CMTM8: variants seen among roughly 807,000 people sequenced by gnomAD.
CMTM8 encodes CKLF like MARVEL transmembrane domain containing 8.
In CMTM8, 12 loss-of-function variants were observed where a neutral mutation model predicts 18.6. That is an observed-to-expected ratio of 0.65 (90% confidence interval 0.41 to 1.05). The LOEUF (loss-of-function observed/expected upper bound fraction) is 1.05, where lower values mean the gene tolerates loss of function less well. Among genes scored for constraint, CMTM8 ranks in the 50% least tolerant of loss-of-function variants. The pLI is 0.00. For synonymous variants in CMTM8, 87 were observed against 90.6 expected, an observed-to-expected ratio of 0.96 and a Z score of 0.23; for missense variants, 217 against 227.2, an observed-to-expected ratio of 0.95 and a Z score of 0.29.
chr3:32,284,028 G>A (rs1487287882), intron 1 of CMTM8, among the ~76,000 whole-genome samples: 1 of 152,200 alleles, frequency 6.6e-6, no homozygotes, highest in East Asian at 1.9e-4. Flanking sequence ...GAGGTGGGCG[G>A]ATCACCTGAG....
chr3:32,254,167 TACA>T (rs1702147571), intron 1 of CMTM8, among the ~76,000 whole-genome samples: 1 of 152,244 alleles, frequency 6.6e-6, no homozygotes, highest in Non-Finnish European at 1.5e-5. Context: ...ATGCTGGGAT[TACA>T]GGTGTGAGCC....
chr3:32,264,631 G>T (rs1702308744), intron 1 of CMTM8, among the ~76,000 whole-genome samples: 4 of 152,144 alleles, frequency 2.6e-5, no homozygotes, highest in Admixed American at 2.6e-4. Flanking sequence ...TGGGCTAAAT[G>T]CTCCAATTAA....
chr3:32,317,432 G>A (rs1223899630), intron 1 of CMTM8, among the ~76,000 whole-genome samples: 3 of 152,194 alleles, frequency 2.0e-5, no homozygotes, highest in Non-Finnish European at 4.4e-5. Context: ...AAGACTTACT[G>A]CTAAAGGGAA....
chr3:32,332,936 G>A (rs1259496273), intron 1 of CMTM8, among the ~76,000 whole-genome samples: 5 of 152,144 alleles, frequency 3.3e-5, no homozygotes, highest in Admixed American at 3.3e-4. Context: ...ATATGTGTTT[G>A]ATGTATATGC....
intron 1 of CMTM8, chr3:32,243,967 T>A (rs1701977888): frequency 6.2e-6 from 1 of 160,298 alleles, no homozygotes; most frequent in African/African-American, 2.4e-5. Context: ...ATGGTTTCTC[T>A]GCCAAGATAT....
At position 32,321,235 on chromosome 3, in the gene CMTM8, A is replaced by G. The variant is rs576964641; in HGVS notation, c.148-36138A>G. Among the ~76,000 whole-genome samples, 6 of 152,126 alleles carry G rather than the reference A, an allele frequency of 3.9e-5. No individual in the cohort carries two copies. The South Asian group carries it at 1.2e-3, about 32-fold the overall frequency. Reference sequence around the variant, plus strand: ...TGACGCTGGTTAAACAACACTGGGGACTAACTAGATGAGGCTCGGGTCACA... The same window carrying G: ...TGACGCTGGTTAAACAACACTGGGGGCTAACTAGATGAGGCTCGGGTCACA... On this transcript the variant is annotated intron_variant, in intron 1 of 3. Transcript: ENST00000307526.
chr3:32,326,266 T>G (rs2125580670), intron 1 of CMTM8, among the ~76,000 whole-genome samples: 1 of 152,164 alleles, frequency 6.6e-6, no homozygotes, highest in East Asian at 1.9e-4. Flanking sequence ...CCAGAATAGG[T>G]TTTCAAAAAT....
chr3:32,306,267 A>G (rs1179633240), intron 1 of CMTM8, among the ~76,000 whole-genome samples: 1 of 152,216 alleles, frequency 6.6e-6, no homozygotes, highest in African/African-American at 2.4e-5. Context: ...TGGCAAGGCC[A>G]GGAATCCAAG....
chr3:32,257,594 A>C (rs1476805438), intron 1 of CMTM8, among the ~76,000 whole-genome samples: 1 of 152,098 alleles, frequency 6.6e-6, no homozygotes, highest in Non-Finnish European at 1.5e-5. Flanking sequence ...TATGGTTTTA[A>C]TAGTTTTAAT....
intron 1 of CMTM8, among the ~76,000 whole-genome samples, chr3:32,262,049 C>A (rs760859775): frequency 1.3e-5 from 2 of 152,088 alleles, no homozygotes; most frequent in Non-Finnish European, 1.5e-5. Flanking sequence ...TGGAATCATA[C>A]CATGGAACTG....
At chr3:32,283,092 C>T (rs879578028) in intron 1 of CMTM8, among the ~76,000 whole-genome samples, 8 of 152,050 alleles carry the variant, frequency 5.3e-5, no homozygotes, top group Non-Finnish European at 1.0e-4. Context: ...ATCCCTAGTA[C>T]TTAAATTGCA....
chr3:32,312,465 T>C (rs1399192553), intron 1 of CMTM8, among the ~76,000 whole-genome samples: 2 of 140,638 alleles, frequency 1.4e-5, no homozygotes, highest in Non-Finnish European at 3.0e-5. Flanking sequence ...AGGATACAGA[T>C]GAACAGCCAG....
At chr3:32,347,629 A>G (rs1046466129) in intron 1 of CMTM8, among the ~76,000 whole-genome samples, 1 of 152,076 alleles carries the variant, frequency 6.6e-6, no homozygotes, top group Non-Finnish European at 1.5e-5. Flanking sequence ...AGTTTCCCAC[A>G]AGGCCAATCA....
intron 1 of CMTM8, chr3:32,258,944 G>A (rs748711458): frequency 1.5e-5 from 5 of 331,044 alleles, no homozygotes; most frequent in Non-Finnish European, 2.9e-5. Context: ...GACAGCGTGA[G>A]CTTCACCACT....
intron 2 of CMTM8, among the ~76,000 whole-genome samples, chr3:32,361,286 G>GTTTTTTTTTTGTTTT (rs58364646): frequency 1.3e-4 from 11 of 87,266 alleles, no homozygotes; most frequent in East Asian, 8.5e-4. Flanking sequence ...CAGCCTAAGA[G>GTTTTTTTTTTGTTTT]TTTTTTTTTC....
At chr3:32,347,276 T>C (rs1696615187) in intron 1 of CMTM8, among the ~76,000 whole-genome samples, 1 of 143,456 alleles carries the variant, frequency 7.0e-6, no homozygotes, top group South Asian at 2.3e-4. Context: ...TGTTTTTTGG[T>C]TTTTGGTTTT....
chr3:32,258,595 G>A (rs932666441), intron 1 of CMTM8, among the ~76,000 whole-genome samples: 1 of 151,872 alleles, frequency 6.6e-6, no homozygotes, highest in Non-Finnish European at 1.5e-5. Flanking sequence ...CTAAAGCCTC[G>A]ACCTCCCAGG....
intron 1 of CMTM8, among the ~76,000 whole-genome samples, chr3:32,332,038 GCACACA>G (rs3060733): frequency 1.9e-4 from 29 of 150,432 alleles, no homozygotes; most frequent in Middle Eastern, 3.4e-3. Context: ...GACCACACGC[GCACACA>G]CACACACACA....
chr3:32,251,460 C>G (rs567856430), intron 1 of CMTM8, among the ~76,000 whole-genome samples: 1 of 150,264 alleles, frequency 6.7e-6, no homozygotes, highest in African/African-American at 2.5e-5. Flanking sequence ...ACTACAGACA[C>G]ATGCCACCAC....
Sources: allele counts gnomAD v4.1 joint callset (sites outside exome capture counted in the v4.1 genomes callset), GRCh38; gene constraint gnomAD v4.1.1; transcripts MANE v1.5; gene names NCBI Gene and HGNC (gene_info 2026-07-23, HGNC 2026-07-21).